ALK: variants seen among roughly 807,000 people sequenced by gnomAD.
ALK encodes the protein ALK tyrosine kinase receptor.
A neutral mutation model predicts 163.1 loss-of-function variants in ALK; 74 were observed. The observed-to-expected ratio is 0.45, with a 90% confidence interval of 0.38 to 0.55. The LOEUF is 0.55. Among genes scored for constraint, ALK ranks in the 20% least tolerant of loss-of-function variants. The probability of loss-of-function intolerance (pLI) is 0.00; values close to 1 mark genes in which losing one functional copy is unlikely to be tolerated. For synonymous variants in ALK, 960 were observed against 843.2 expected (o/e 1.14, Z -2.40); for missense variants, 2,063 against 2,105.3 (o/e 0.98, Z 0.39).
At chr2:29,843,729 C>T (rs934791394) in intron 1 of ALK, among the ~76,000 whole-genome samples, 2 of 152,176 alleles carry the variant, frequency 1.3e-5, no homozygotes, top group African/African-American at 2.4e-5. Context: ...AAAAAATTGT[C>T]ACTTTTCAAA....
chr2:29,463,372 A>T (rs2148104549), intron 4 of ALK, among the ~76,000 whole-genome samples: 1 of 152,322 alleles, frequency 6.6e-6, no homozygotes, highest in Middle Eastern at 3.4e-3. Context: ...TTCATACTGA[A>T]AATATGTTTT....
chr2:29,807,198 A>T (rs1019727009), intron 1 of ALK, among the ~76,000 whole-genome samples: 5 of 152,218 alleles, frequency 3.3e-5, no homozygotes, highest in African/African-American at 9.7e-5. Flanking sequence ...GACAACCTAG[A>T]AATATCTGTT....
intron 1 of ALK, among the ~76,000 whole-genome samples, chr2:29,789,015 C>CTGTGTGCGTGTGTGTG (rs1553362490): frequency 8.0e-6 from 1 of 125,406 alleles, no homozygotes; most frequent in Non-Finnish European, 1.7e-5. Context: ...TCCTGGTACA[C>CTGTGTGCGTGTGTGTG]TGTGTGTGTG....
chr2:29,349,523 C>T (rs190366771), intron 5 of ALK, among the ~76,000 whole-genome samples: 15 of 152,286 alleles, frequency 9.8e-5, no homozygotes, highest in African/African-American at 3.1e-4. Flanking sequence ...TGAAGAGAGA[C>T]GCTCATCTAG....
intron 3 of ALK, among the ~76,000 whole-genome samples, chr2:29,576,306 A>G (rs900977993): frequency 6.6e-6 from 1 of 152,236 alleles, no homozygotes; most frequent in Non-Finnish European, 1.5e-5. Context: ...GATCAGGAGC[A>G]GAACCATGAG....
intron 5 of ALK, among the ~76,000 whole-genome samples, chr2:29,362,750 C>A (rs1312462114): frequency 2.0e-5 from 3 of 152,156 alleles, no homozygotes; most frequent in African/African-American, 7.2e-5. Context: ...CTCTTTAAGG[C>A]CAGAAAACTT....
intron 4 of ALK, among the ~76,000 whole-genome samples, chr2:29,384,214 C>T (rs114541249): frequency 0.017 from 2,554 of 152,198 alleles, 65 homozygotes; most frequent in African/African-American, 0.059. Flanking sequence ...TAAGTAGACT[C>T]AAGGAAATGT....
intron 3 of ALK, among the ~76,000 whole-genome samples, chr2:29,626,221 T>C (rs1053531959): frequency 1.3e-5 from 2 of 152,126 alleles, no homozygotes; most frequent in Non-Finnish European, 2.9e-5. Context: ...GTAGGGACTT[T>C]GATATGACTT....
intron 1 of ALK, among the ~76,000 whole-genome samples, chr2:29,837,144 C>T (rs1357691433): frequency 6.6e-6 from 1 of 152,168 alleles, no homozygotes; most frequent in African/African-American, 2.4e-5. Flanking sequence ...CACAGTATAA[C>T]TTAGCCTATC....
At chr2:29,491,435 T>C (rs1246900009) in intron 4 of ALK, among the ~76,000 whole-genome samples, 1 of 152,006 alleles carries the variant, frequency 6.6e-6, no homozygotes, top group African/African-American at 2.4e-5. Flanking sequence ...ACTCTCCATC[T>C]ATCCCATGCA....
chr2:29,398,749 T>C (rs1669372639), intron 4 of ALK, among the ~76,000 whole-genome samples: 1 of 152,104 alleles, frequency 6.6e-6, no homozygotes, highest in African/African-American at 2.4e-5. Flanking sequence ...GAATAGACCG[T>C]GACAAAGGCT....
In ALK at chr2:29,532,040, C is replaced by T. The variant is rs750010561; in HGVS notation, c.1029G>A (p.Glu343=). ...GCACCGAGACGGCCAGTGTGCAGTG[C>T]TCACTGCTGCTCCTCATCCACGGAC... The part of the protein sequence containing the change: ...ILSPWMRSSS[E]HCTLAVSVHR... The change falls in exon 4 of 29, where the codon GAG becomes GAA. Residue 343 remains glutamate (E), a synonymous_variant. Transcript: ENST00000389048. 6 of 1,613,958 alleles carry T rather than the reference C, an allele frequency of 3.7e-6. No individual in the cohort carries two copies. In the East Asian group the frequency reaches 6.7e-5, roughly 18 times the overall value.
chr2:29,721,356 G>T (rs894220371), intron 1 of ALK, among the ~76,000 whole-genome samples: 1 of 152,106 alleles, frequency 6.6e-6, no homozygotes, highest in Non-Finnish European at 1.5e-5. Context: ...TGGGAGAAGA[G>T]GGGTGGAGGA....
chr2:29,287,921 T>C (rs939224429), intron 9 of ALK, among the ~76,000 whole-genome samples: 2 of 152,128 alleles, frequency 1.3e-5, no homozygotes, highest in African/African-American at 2.4e-5. Context: ...TTCTTTTGTT[T>C]ACAGCTCCTG....
At chr2:29,314,895 A>G (rs923904691) in intron 8 of ALK, among the ~76,000 whole-genome samples, 3 of 152,172 alleles carry the variant, frequency 2.0e-5, no homozygotes, top group South Asian at 4.1e-4. Context: ...CAGCGGCTGC[A>G]ATGCCAGACA....
intron 13 of ALK, among the ~76,000 whole-genome samples, chr2:29,236,032 T>TA (rs1304573945): frequency 1.3e-5 from 2 of 150,880 alleles, no homozygotes; most frequent in African/African-American, 4.9e-5. Flanking sequence ...TTTTTTTTTT[T>TA]AGATACAGGG....
At position 29,227,107 on chromosome 2, in the gene ALK, C is replaced by T. The variant is rs746128437; in HGVS notation, c.2915-33G>A. The T allele has an allele frequency of 2.1e-5, 34 of 1,613,862 alleles. No individual in the cohort carries two copies. The highest frequency in any genetic ancestry group is 4.5e-5 in the East Asian group (2 of 44,898). ...CAAGGAGGGAGGGTCAGTCTTGGGCCGAGCCTGCCTCCCCACTCCCAGCCT... is the reference window on the plus strand; with the variant it reads ...CAAGGAGGGAGGGTCAGTCTTGGGCTGAGCCTGCCTCCCCACTCCCAGCCT... On this transcript the variant is annotated intron_variant, in intron 17 of 28. Transcript: ENST00000389048. The surrounding 1 kb of genome is among the most constrained non-coding windows in gnomAD (Gnocchi z 4.4).
At chr2:29,732,194 T>C (rs1337030326) in intron 1 of ALK, among the ~76,000 whole-genome samples, 1 of 152,234 alleles carries the variant, frequency 6.6e-6, no homozygotes, top group African/African-American at 2.4e-5. Context: ...TTTCAAATTC[T>C]TATCTCAGCA....
At chr2:29,919,837 G>A (rs1667938789) in intron 1 of ALK, among the ~76,000 whole-genome samples, 156 bp downstream of exon 1, 2 of 152,186 alleles carry the variant, frequency 1.3e-5, no homozygotes, top group South Asian at 4.1e-4. Flanking sequence ...AAGAAACTAC[G>A]GTCTGATTCG....
Sources: allele counts gnomAD v4.1 joint callset (sites outside exome capture counted in the v4.1 genomes callset), GRCh38; gene constraint gnomAD v4.1.1; non-coding constraint Gnocchi (gnomAD v3.1); transcripts MANE v1.5; gene names NCBI Gene and HGNC (gene_info 2026-07-23, HGNC 2026-07-21).